IQGAP2: variants seen among roughly 807,000 people sequenced by gnomAD.
IQGAP2 encodes ras GTPase-activating-like protein IQGAP2.
IQGAP2 carries 173 observed loss-of-function variants against 201.3 expected under a neutral mutation model. The observed-to-expected ratio is 0.86, with a 90% CI of 0.76 to 0.98. The LOEUF is 0.98. Among genes scored for constraint, IQGAP2 ranks in the 50% least tolerant of loss-of-function variants. IQGAP2 has a pLI of 0.00. For synonymous variants in IQGAP2, 675 were observed against 673.9 expected, an observed-to-expected ratio of 1.00 and a Z score of -0.03; for missense variants, 1,687 against 1,864.8, an observed-to-expected ratio of 0.90 and a Z score of 1.76.
chr5:76,532,985 C>T (rs191561371), intron 2 of IQGAP2, among the ~76,000 whole-genome samples: 3 of 152,310 alleles, frequency 2.0e-5, no homozygotes, highest in East Asian at 1.9e-4. Flanking sequence ...CACTGAAATC[C>T]GGCTTGTGAA....
chr5:76,632,039 G>C lies in IQGAP2; in HGVS notation c.1780+13G>C. On this transcript the variant is annotated intron_variant, in intron 15 of 35. Transcript: ENST00000274364. ...AAATCTGAAAGAGGTAAGTTGGTTTGTTACTTTAGCACAAACTAAGTATTT... is the reference window on the plus strand; with the variant it reads ...AAATCTGAAAGAGGTAAGTTGGTTTCTTACTTTAGCACAAACTAAGTATTT... 1 of 1,587,548 alleles carries C rather than the reference G, an allele frequency of 6.3e-7. No homozygotes were observed. Among genetic ancestry groups the C allele is most frequent in the Non-Finnish European group, 8.6e-7 (1 of 1,167,618 alleles).
At chr5:76,671,536 T>C (rs915141826) in intron 23 of IQGAP2, among the ~76,000 whole-genome samples, 1 of 151,374 alleles carries the variant, frequency 6.6e-6, no homozygotes, top group African/African-American at 2.4e-5. Flanking sequence ...ATACAAAAAG[T>C]AGCCCCGGGC....
Position 76,461,592 on chromosome 5 carries a change from C to T in IQGAP2, c.69C>T (p.Leu23=). The part of the protein sequence containing the change: ...RYGSIVDDER[L]SAEEMDERRR... ...TAGCTATTGTGGACGATGAAAGGCTCTCTGCAGAGGAGATGGATGAGAGGA... is the reference window on the plus strand; with the variant it reads ...TAGCTATTGTGGACGATGAAAGGCTTTCTGCAGAGGAGATGGATGAGAGGA... The change falls in exon 2 of 36, where the codon CTC becomes CTT. Residue 23 remains leucine, a synonymous_variant. Transcript: ENST00000274364. The T allele has an allele frequency of 6.2e-7, 1 of 1,613,608 alleles. No individual in the cohort carries two copies. The highest frequency in any genetic ancestry group is 1.7e-5 in the Admixed American group (1 of 60,018).
At chr5:76,642,528 G>C (rs528269793) in intron 17 of IQGAP2, among the ~76,000 whole-genome samples, 15 of 152,288 alleles carry the variant, frequency 9.8e-5, no homozygotes, top group South Asian at 2.1e-4. Flanking sequence ...CTACTTTACA[G>C]ATGTGGACCA....
intron 17 of IQGAP2, among the ~76,000 whole-genome samples, chr5:76,643,533 G>C (rs1056368204): frequency 3.9e-5 from 6 of 152,144 alleles, no homozygotes; most frequent in African/African-American, 1.4e-4. Flanking sequence ...AGATGATAGA[G>C]ATAATGACTC....
At chr5:76,565,024 A>C (rs1454655853) in intron 3 of IQGAP2, among the ~76,000 whole-genome samples, 1 of 152,230 alleles carries the variant, frequency 6.6e-6, no homozygotes, top group African/African-American at 2.4e-5. Flanking sequence ...TTCTTGATGG[A>C]AACTTTGAGT....
At chr5:76,534,808 C>G (rs1328682542) in intron 2 of IQGAP2, among the ~76,000 whole-genome samples, 1 of 152,176 alleles carries the variant, frequency 6.6e-6, no homozygotes, top group Non-Finnish European at 1.5e-5. Flanking sequence ...GGAAGTAGCC[C>G]AAATCATAGT....
At chr5:76,561,861 T>C (rs1744396185) in intron 2 of IQGAP2, among the ~76,000 whole-genome samples, 1 of 152,200 alleles carries the variant, frequency 6.6e-6, no homozygotes, top group Non-Finnish European at 1.5e-5. Flanking sequence ...AAAAGGAGTC[T>C]GTGTTATTTA....
At chr5:76,446,147 CTTAGGTACAAAT>C in intron 1 of IQGAP2, among the ~76,000 whole-genome samples, 1 of 152,300 alleles carries the variant, frequency 6.6e-6, no homozygotes, top group Non-Finnish European at 1.5e-5. Flanking sequence ...CTGCTATGAA[CTTAGGTACAAAT>C]ATCTGCTGGA....
At chr5:76,610,610 A>T (rs1181665661) in intron 12 of IQGAP2, among the ~76,000 whole-genome samples, 1 of 151,784 alleles carries the variant, frequency 6.6e-6, no homozygotes, top group Non-Finnish European at 1.5e-5. Context: ...GGACCTTGAT[A>T]GAAGTTGCAT....
intron 21 of IQGAP2, among the ~76,000 whole-genome samples, chr5:76,660,851 C>A (rs538607186): frequency 4.7e-4 from 72 of 152,138 alleles, no homozygotes; most frequent in African/African-American, 1.7e-3. Context: ...AAGTGGGAAA[C>A]GACCTGAAGC....
intron 1 of IQGAP2, among the ~76,000 whole-genome samples, chr5:76,458,119 G>T (rs529504539): frequency 3.9e-5 from 6 of 152,288 alleles, no homozygotes; most frequent in African/African-American, 1.4e-4. Flanking sequence ...AAGAATAAGG[G>T]CTGCAATGTT....
chr5:76,449,341 G>A (rs748274175), intron 1 of IQGAP2, among the ~76,000 whole-genome samples: 6 of 152,014 alleles, frequency 3.9e-5, no homozygotes, highest in Non-Finnish European at 8.8e-5. Context: ...TCCCTCCCTC[G>A]GCTTTTCTAT....
chr5:76,492,630 C>T (rs970005025), intron 2 of IQGAP2, among the ~76,000 whole-genome samples: 9 of 152,112 alleles, frequency 5.9e-5, no homozygotes, highest in East Asian at 1.9e-4. Flanking sequence ...GTTATCCTGA[C>T]GTACAGAAGA....
At position 76,406,987 on chromosome 5, in the gene IQGAP2, A is replaced by AT. The variant is rs1209227873; in HGVS notation, c.46+3406dup. ...AAGATTCTGGTTGAGCATTATTATT[A>AT]TTTTTTTTTTAGGCAGTATCTTGCT... On this transcript the variant is annotated intron_variant, in intron 1 of 35. Transcript: ENST00000274364. Among the ~76,000 whole-genome samples the AT allele has an allele frequency of 1.3e-4, 20 of 149,498 alleles. 1 individual carries two copies. Among genetic ancestry groups the AT allele is most frequent in the South Asian group, 1.1e-3 (5 of 4,722 alleles).
intron 10 of IQGAP2, among the ~76,000 whole-genome samples, chr5:76,600,466 G>A (rs1747352781): frequency 6.6e-6 from 1 of 152,192 alleles, no homozygotes; most frequent in Non-Finnish European, 1.5e-5. Context: ...CTCTCAGTCA[G>A]TGACAATGTT....
intron 1 of IQGAP2, among the ~76,000 whole-genome samples, chr5:76,405,596 G>A (rs1406482781): frequency 6.6e-6 from 1 of 152,220 alleles, no homozygotes; most frequent in South Asian, 2.1e-4. Flanking sequence ...TGTATTTTCA[G>A]TGTATTCAGA....
At chr5:76,707,066 G>T (rs1747967858) in intron 35 of IQGAP2, 134 bp from the exon 36 acceptor site, 1 of 616,434 alleles carries the variant, frequency 1.6e-6, no homozygotes, top group Non-Finnish European at 2.9e-6. Flanking sequence ...AGACCAACCT[G>T]GGCAACATAG....
chr5:76,640,486 A>C (rs1045837775), intron 16 of IQGAP2, among the ~76,000 whole-genome samples: 10 of 152,280 alleles, frequency 6.6e-5, no homozygotes, highest in Admixed American at 2.0e-4. Context: ...AGCTCGTTAC[A>C]GGGGTCTGCC....
Sources: gnomAD v4.1 joint callset for allele counts (sites outside exome capture counted in the v4.1 genomes callset) on GRCh38, gnomAD v4.1.1 for gene constraint, MANE v1.5 for transcripts, NCBI Gene and HGNC (gene_info 2026-07-23, HGNC 2026-07-21) for gene names.